HIBADH: variants seen among roughly 807,000 people sequenced by gnomAD.
HIBADH encodes 3-hydroxyisobutyrate dehydrogenase, mitochondrial.
In HIBADH, 25 loss-of-function variants were observed where a neutral mutation model predicts 36.1. The observed-to-expected ratio is 0.69, with a 90% CI of 0.50 to 0.97. The LOEUF is 0.97. Ranked by LOEUF, HIBADH falls within the 50% of genes least tolerant of loss-of-function variation. The pLI, the probability that HIBADH is intolerant of heterozygous loss-of-function variation, is 0.00. For synonymous variants in HIBADH, 160 were observed against 149.5 expected (o/e 1.07, Z -0.51); for missense variants, 421 against 418.0 (o/e 1.01, Z -0.06).
At chr7:27,538,996 A>T (rs770795060) in intron 5 of HIBADH, among the ~76,000 whole-genome samples, 1 of 152,190 alleles carries the variant, frequency 6.6e-6, no homozygotes, top group Non-Finnish European at 1.5e-5. Flanking sequence ...GAGATCAGTA[A>T]GAAAATTGTT....
chr7:27,621,649 A>G, intron 4 of HIBADH, among the ~76,000 whole-genome samples: 1 of 152,034 alleles, frequency 6.6e-6, no homozygotes, highest in Middle Eastern at 3.2e-3. Context: ...AAAATGAGCC[A>G]GGTGTGGCAG....
At position 27,578,321 on chromosome 7, in the gene HIBADH, ATTTTT is replaced by A. The variant is rs5883091; in HGVS notation, c.485-35226_485-35222del. ...TTTGGTTCTAAAGTTCAATGTTTAG[ATTTTT>A]TTTTTTTTTGAGACAGTTTCGCTTT... On this transcript the variant is annotated intron_variant, in intron 4 of 7. Coordinates refer to ENST00000265395, the MANE Select transcript of HIBADH (RefSeq NM_152740.4). 9.5e-5 allele frequency among the ~76,000 whole-genome samples: 14 copies of A among 147,656 alleles called. No homozygotes were observed. In the South Asian group the frequency reaches 1.5e-3, roughly 16 times the overall value.
chr7:27,594,151 T>G (rs1369786934), intron 4 of HIBADH, among the ~76,000 whole-genome samples: 5 of 122,714 alleles, frequency 4.1e-5, no homozygotes, highest in East Asian at 2.7e-4. Flanking sequence ...TTTGTTTTTT[T>G]GTTTTTTTTC....
At chr7:27,587,931 TGAGTA>T (rs1356228891) in intron 4 of HIBADH, among the ~76,000 whole-genome samples, 1 of 152,140 alleles carries the variant, frequency 6.6e-6, no homozygotes, top group African/African-American at 2.4e-5. Flanking sequence ...TTCCACAACA[TGAGTA>T]GAGTATAGCA....
At chr7:27,543,594 G>C (rs1029905645) in intron 4 of HIBADH, among the ~76,000 whole-genome samples, 3 of 152,162 alleles carry the variant, frequency 2.0e-5, no homozygotes, top group African/African-American at 7.2e-5. Flanking sequence ...CAAAGAGGGA[G>C]ACCTGGCTCT....
chr7:27,543,247 C>T (rs1355900258), intron 4 of HIBADH, 147 bp from the exon 5 acceptor site: 3 of 777,134 alleles, frequency 3.9e-6, no homozygotes, highest in Non-Finnish European at 6.1e-6. Context: ...CTCTAAATCT[C>T]TACAGAAATA....
chr7:27,592,494 GTTA>G (rs1288152666), intron 4 of HIBADH, among the ~76,000 whole-genome samples: 1 of 152,070 alleles, frequency 6.6e-6, no homozygotes, highest in Admixed American at 6.6e-5. Flanking sequence ...GACCAACTTG[GTTA>G]TTTTTTATCC....
chr7:27,552,118 G>A (rs529927242), intron 4 of HIBADH, among the ~76,000 whole-genome samples: 1 of 152,342 alleles, frequency 6.6e-6, no homozygotes, highest in South Asian at 2.1e-4. Flanking sequence ...ACTTTATCAT[G>A]TTCAATTAGT....
chr7:27,626,071 C>G (rs1479574507), intron 4 of HIBADH, among the ~76,000 whole-genome samples: 2 of 136,690 alleles, frequency 1.5e-5, no homozygotes, highest in African/African-American at 5.6e-5. Context: ...CCACTGCACT[C>G]CAGCCTGGGT....
chr7:27,565,189 C>T (rs1214961359), intron 4 of HIBADH, among the ~76,000 whole-genome samples: 1 of 152,146 alleles, frequency 6.6e-6, no homozygotes, highest in East Asian at 1.9e-4. Flanking sequence ...CACCCCAAAA[C>T]TGCTGAAATT....
At chr7:27,659,530 C>T (rs1397359949) in intron 1 of HIBADH, among the ~76,000 whole-genome samples, 1 of 151,672 alleles carries the variant, frequency 6.6e-6, no homozygotes, top group African/African-American at 2.4e-5. Flanking sequence ...GGCTGGGCAA[C>T]ATGGTGAGAC....
At chr7:27,629,889 A>G (rs1274793788) in intron 3 of HIBADH, among the ~76,000 whole-genome samples, 1 of 152,196 alleles carries the variant, frequency 6.6e-6, no homozygotes, top group Non-Finnish European at 1.5e-5. Context: ...GGATCTTTAA[A>G]AAGTAATTTA....
intron 4 of HIBADH, among the ~76,000 whole-genome samples, chr7:27,623,184 C>T (rs990431485): frequency 1.3e-5 from 2 of 152,060 alleles, no homozygotes; most frequent in Non-Finnish European, 2.9e-5. Context: ...ACACAGGAAG[C>T]GTATTTGATA....
At chr7:27,629,634 A>G in intron 3 of HIBADH, 142 bp from the exon 4 acceptor site, 1 of 509,122 alleles carries the variant, frequency 2.0e-6, no homozygotes, top group Non-Finnish European at 3.2e-6. Flanking sequence ...TATTAATTAG[A>G]ACACGTTTAA....
At chr7:27,642,030 T>G (rs951663327) in intron 2 of HIBADH, among the ~76,000 whole-genome samples, 1 of 151,814 alleles carries the variant, frequency 6.6e-6, no homozygotes, top group Non-Finnish European at 1.5e-5. Flanking sequence ...GGGGGAGGAG[T>G]GGCAACTGTG....
At chr7:27,568,502 G>A (rs1057294348) in intron 4 of HIBADH, among the ~76,000 whole-genome samples, 1 of 151,846 alleles carries the variant, frequency 6.6e-6, no homozygotes. Flanking sequence ...CTGTCACCCT[G>A]GTTGGAGTAC....
chr7:27,644,160 T>C lies in HIBADH; in HGVS notation c.252+5313A>G, dbSNP rs1786013612. ...ATGCAACCATGATGACAATCAATTT[T>C]AGAATCTTTTCAAGAAGAAACCTGG... On this transcript the variant is annotated intron_variant, in intron 2 of 7. Coordinates refer to ENST00000265395, the MANE Select transcript of HIBADH (RefSeq NM_152740.4). Among the ~76,000 whole-genome samples, 3 of 152,132 alleles carry C rather than the reference T, an allele frequency of 2.0e-5. No homozygotes were observed. In the South Asian group the frequency reaches 6.2e-4, roughly 31 times the overall value.
At chr7:27,608,564 G>A (rs1785270833) in intron 4 of HIBADH, among the ~76,000 whole-genome samples, 1 of 152,024 alleles carries the variant, frequency 6.6e-6, no homozygotes, top group South Asian at 2.1e-4. Context: ...TGGTAGCAAG[G>A]CCCTTGTCAA....
intron 4 of HIBADH, among the ~76,000 whole-genome samples, chr7:27,603,772 G>C: frequency 6.6e-6 from 1 of 151,934 alleles, no homozygotes; most frequent in East Asian, 1.9e-4. Context: ...ATATTCCACT[G>C]TACATTAAAA....
Sources: allele counts gnomAD v4.1 joint callset (sites outside exome capture counted in the v4.1 genomes callset), GRCh38; gene constraint gnomAD v4.1.1; transcripts MANE v1.5; gene names NCBI Gene and HGNC (gene_info 2026-07-23, HGNC 2026-07-21).